ESRRB: variants seen among roughly 807,000 people sequenced by gnomAD.
The protein encoded by ESRRB is estrogen related receptor beta.
Under a neutral mutation model 46.0 loss-of-function variants are expected in ESRRB, and 16 were observed. The ratio of observed to expected loss-of-function variants is 0.35; its 90% confidence interval spans 0.24 to 0.53. The LOEUF (loss-of-function observed/expected upper bound fraction) is 0.53, where lower values mean the gene tolerates loss of function less well. Among genes scored for constraint, ESRRB ranks in the 20% least tolerant of loss-of-function variants. The pLI is 0.93. For synonymous variants in ESRRB, 246 were observed against 259.6 expected (o/e 0.95, Z 0.50); for missense variants, 488 against 607.4 (o/e 0.80, Z 2.07).
At chr14:76,457,557 C>T (rs1888667251) in intron 2 of ESRRB, among the ~76,000 whole-genome samples, 1 of 151,948 alleles carries the variant, frequency 6.6e-6, no homozygotes, top group African/African-American at 2.4e-5. Flanking sequence ...TTGGACACTC[C>T]TACTGTAAGA....
intron 2 of ESRRB, among the ~76,000 whole-genome samples, chr14:76,458,794 G>A (rs1888726410): frequency 6.6e-6 from 1 of 151,594 alleles, no homozygotes; most frequent in African/African-American, 2.4e-5. Context: ...GACGGGCTGG[G>A]TCCCAGTCCT....
intron 1 of ESRRB, among the ~76,000 whole-genome samples, chr14:76,320,348 C>T (rs958458256): frequency 2.0e-5 from 3 of 152,300 alleles, no homozygotes; most frequent in South Asian, 2.1e-4. Flanking sequence ...TGGCTTTCTA[C>T]GAGCCACTTC....
At chr14:76,435,567 C>A (rs183833473) in intron 1 of ESRRB, among the ~76,000 whole-genome samples, 1 of 152,182 alleles carries the variant, frequency 6.6e-6, no homozygotes. Flanking sequence ...TGGTGGCTCA[C>A]GCCTGTAATC....
At chr14:76,368,131 T>C (rs1884548214), upstream of ESRRB, among the ~76,000 whole-genome samples, 1 of 78,204 alleles carries the variant, frequency 1.3e-5, no homozygotes. Context: ...TTTTCCTTTT[T>C]TTTTTTTTTT....
chr14:76,469,195 G>C (rs903175057), intron 3 of ESRRB, among the ~76,000 whole-genome samples: 2 of 152,100 alleles, frequency 1.3e-5, no homozygotes, highest in African/African-American at 4.8e-5. Flanking sequence ...CCAGGTTCAA[G>C]CGATTCTCCT....
At position 76,311,041 on chromosome 14, in the gene ESRRB, C is replaced by CA. The variant is rs1883727169; in HGVS notation, c.2+126dup. 4.9e-4 allele frequency: 189 copies of CA among 387,188 alleles called. 2 individuals are homozygous for CA. Among genetic ancestry groups the CA allele is most frequent in the South Asian group, 3.5e-3 (186 of 53,740 alleles). The allele number at this position is 387,188 out of a possible 1,614,324, so 24.0% of individuals were successfully genotyped here. A position where few individuals can be genotyped will look rare whatever the true frequency, so the allele number is the denominator to read the frequency against. On this transcript the variant is annotated intron_variant, in intron 1 of 6. Transcript: ENST00000512784. ...CTCTCAATGGATAAAAATATCTCCC[C>CA]ATGCCTGTTCTTTCATCCTGGTTTT...
At chr14:76,400,565 G>A (rs1263726955) in intron 1 of ESRRB, among the ~76,000 whole-genome samples, 1 of 152,152 alleles carries the variant, frequency 6.6e-6, no homozygotes, top group Non-Finnish European at 1.5e-5. Context: ...CACGTTTTAT[G>A]TTCTCACTTG....
At chr14:76,432,142 G>GT (rs1460673500) in intron 1 of ESRRB, among the ~76,000 whole-genome samples, 1 of 152,204 alleles carries the variant, frequency 6.6e-6, no homozygotes, top group Non-Finnish European at 1.5e-5. Flanking sequence ...GTTCTCAGCA[G>GT]TTTTGCTCCC....
chr14:76,470,815 A>C (rs551543775), intron 3 of ESRRB, among the ~76,000 whole-genome samples: 1 of 152,236 alleles, frequency 6.6e-6, no homozygotes, highest in East Asian at 1.9e-4. Flanking sequence ...CAGCCTCCTA[A>C]GTAGCTGGTC....
intron 1 of ESRRB, among the ~76,000 whole-genome samples, chr14:76,345,400 C>A (rs574960782): frequency 1.3e-5 from 2 of 152,130 alleles, no homozygotes; most frequent in Non-Finnish European, 2.9e-5. Context: ...ATAGACAATT[C>A]TCAAAAGAAG....
At chr14:76,380,343 A>G (rs1029225337) in intron 1 of ESRRB, among the ~76,000 whole-genome samples, 2 of 152,142 alleles carry the variant, frequency 1.3e-5, no homozygotes, top group Non-Finnish European at 2.9e-5. Flanking sequence ...TCAGAAGGAG[A>G]CAGAATTCGA....
At chr14:76,354,811 G>T (rs1365413565) in intron 1 of ESRRB, among the ~76,000 whole-genome samples, 1 of 149,864 alleles carries the variant, frequency 6.7e-6, no homozygotes. Flanking sequence ...CTGGGTTCAA[G>T]AGATTCTCCT....
chr14:76,413,771 A>T (rs1476362373), intron 1 of ESRRB, among the ~76,000 whole-genome samples: 1 of 151,952 alleles, frequency 6.6e-6, no homozygotes, highest in Non-Finnish European at 1.5e-5. Context: ...ACAACTTCTC[A>T]TGTGCAGCAG....
In ESRRB at chr14:76,347,414, A is replaced by AGTGTGTGT. The variant is rs34971102; in HGVS notation, c.2+36511_2+36518dup. Among the ~76,000 whole-genome samples the AGTGTGTGT allele has an allele frequency of 9.4e-5, 9 of 96,140 alleles. 2 individuals carry two copies. The highest frequency in any genetic ancestry group is 3.2e-4 in the African/African-American group (9 of 27,956). 63.1% of individuals were successfully genotyped at this position (96,140 alleles called of 152,430 possible). A position where few individuals can be genotyped will look rare whatever the true frequency, so the allele number is the denominator to read the frequency against. On this transcript the variant is annotated intron_variant, in intron 1 of 6. Coordinates refer to the ESRRB transcript ENST00000512784. ...AAATGGGGACAGTATTTGCTCATGA[A>AGTGTGTGT]GTGTGTGTGTGTGTGTGTGTCACAC...
chr14:76,479,248 T>TGCGC (rs1889709782), intron 3 of ESRRB, among the ~76,000 whole-genome samples: 1 of 151,348 alleles, frequency 6.6e-6, no homozygotes, highest in South Asian at 2.1e-4. Flanking sequence ...TGTGCATGCG[T>TGCGC]GCGTGTGTGT....
At chr14:76,463,388 A>C (rs1294484420) in intron 3 of ESRRB, 2 of 152,104 alleles carry the variant, frequency 1.3e-5, no homozygotes, top group Non-Finnish European at 2.9e-5. Flanking sequence ...CAGAAAGGCT[A>C]ATCTTCTGGA....
At chr14:76,323,017 C>T (rs1883886147) in intron 1 of ESRRB, among the ~76,000 whole-genome samples, 1 of 152,132 alleles carries the variant, frequency 6.6e-6, no homozygotes, top group African/African-American at 2.4e-5. Context: ...CACTTTCTGT[C>T]CAGGGGCTCC....
intron 2 of ESRRB, among the ~76,000 whole-genome samples, chr14:76,459,751 C>A (rs1888773465): frequency 6.6e-6 from 1 of 152,168 alleles, no homozygotes. Context: ...TAGGGCTAGA[C>A]AAAAGCAGGT....
chr14:76,483,189 G>A (rs893885342), intron 5 of ESRRB, among the ~76,000 whole-genome samples: 1 of 152,176 alleles, frequency 6.6e-6, no homozygotes, highest in African/African-American at 2.4e-5. Context: ...GCATGGCCTT[G>A]GGAATCAGAT....
Sources: gnomAD v4.1 joint callset for allele counts (sites outside exome capture counted in the v4.1 genomes callset) on GRCh38, gnomAD v4.1.1 for gene constraint, MANE v1.5 for transcripts, NCBI Gene and HGNC (gene_info 2026-07-23, HGNC 2026-07-21) for gene names.